Variants in MED27 observed in about 807,000 individuals in gnomAD.
The protein encoded by MED27 is mediator complex subunit 27.
A neutral mutation model predicts 38.2 loss-of-function variants in MED27; 30 were observed. The ratio of observed to expected loss-of-function variants is 0.79; its 90% confidence interval spans 0.59 to 1.07. The LOEUF is 1.07. Ranked by LOEUF, MED27 falls within the 50% of genes least tolerant of loss-of-function variation. The probability of loss-of-function intolerance (pLI) is 0.00; values close to 1 mark genes in which losing one functional copy is unlikely to be tolerated. For synonymous variants in MED27, 122 were observed against 153.5 expected (o/e 0.79, Z 1.52); for missense variants, 289 against 397.5 (o/e 0.73, Z 2.32).
chr9:132,054,555 AG>A (rs929682722), intron 2 of MED27, among the ~76,000 whole-genome samples: 8 of 152,132 alleles, frequency 5.3e-5, no homozygotes, highest in African/African-American at 1.9e-4. Context: ...CTGGGACTAC[AG>A]GGGCACGACC....
At position 132,009,679 on chromosome 9, in the gene MED27, C is replaced by T. The variant is rs187992870; in HGVS notation, c.479+4658G>A. Among the ~76,000 whole-genome samples, 7 of 152,282 alleles carry T rather than the reference C, an allele frequency of 4.6e-5. No homozygotes were observed. In the East Asian group the frequency reaches 1.4e-3, roughly 29 times the overall value. On this transcript the variant is annotated intron_variant, in intron 3 of 7. Coordinates refer to ENST00000292035, the MANE Select transcript of MED27 (RefSeq NM_004269.4). ...CTGCAGCCTTACAAGAGGCTCTGAG[C>T]CAGAACCACCCAAACGAGCCACTCC...
chr9:131,908,515 C>G (rs1424782710), intron 4 of MED27, among the ~76,000 whole-genome samples: 1 of 152,184 alleles, frequency 6.6e-6, no homozygotes, highest in Admixed American at 6.5e-5. Flanking sequence ...GGAGACTTTT[C>G]ATTTTGTTCT....
chr9:132,047,552 G>GAAAA (rs996434241), intron 2 of MED27, among the ~76,000 whole-genome samples: 1 of 142,344 alleles, frequency 7.0e-6, no homozygotes, highest in Non-Finnish European at 1.5e-5. Flanking sequence ...TCCAAATCAC[G>GAAAA]AAAAAAAAAA....
chr9:132,002,079 T>C (rs566091488), intron 3 of MED27, among the ~76,000 whole-genome samples: 3 of 152,328 alleles, frequency 2.0e-5, no homozygotes, highest in Non-Finnish European at 4.4e-5. Flanking sequence ...CTACTACTAC[T>C]ATTCAGCTGT....
intron 4 of MED27, among the ~76,000 whole-genome samples, chr9:131,898,459 C>A (rs968568352): frequency 6.6e-6 from 1 of 152,188 alleles, no homozygotes; most frequent in Admixed American, 6.5e-5. Flanking sequence ...AGGTGATCCA[C>A]CCGCCCTCGG....
chr9:132,063,794 G>A (rs1489928127), intron 2 of MED27, among the ~76,000 whole-genome samples: 1 of 152,108 alleles, frequency 6.6e-6, no homozygotes, highest in Admixed American at 6.5e-5. Flanking sequence ...CTGGGGTAAT[G>A]AGCAAAAAAC....
At position 131,883,370 on chromosome 9, in the gene MED27, C is replaced by T. The variant is rs1839082128; in HGVS notation, c.723+688G>A. ...GTGGCGGTGGGGACAGAATCCTCATCAGCCACAGGGCCTGAGTTAGTCCAG... is the reference window on the plus strand; with the variant it reads ...GTGGCGGTGGGGACAGAATCCTCATTAGCCACAGGGCCTGAGTTAGTCCAG... On this transcript the variant is annotated intron_variant, in intron 6 of 7. Transcript: ENST00000292035. This position sits in a 1 kb window ranked among gnomAD's most constrained non-coding sequence, Gnocchi z 4.2. Among the ~76,000 whole-genome samples, 1 of 152,172 alleles carries T rather than the reference C, an allele frequency of 6.6e-6. No individual in the cohort carries two copies. The highest frequency in any genetic ancestry group is 1.5e-5 in the Non-Finnish European group (1 of 68,028).
At chr9:131,899,355 G>A (rs1031350879) in intron 4 of MED27, among the ~76,000 whole-genome samples, 13 of 152,208 alleles carry the variant, frequency 8.5e-5, no homozygotes, top group Non-Finnish European at 1.9e-4. Flanking sequence ...TCTGCTGAGC[G>A]ACCACTGAGC....
chr9:131,981,801 G>A (rs1831743641), intron 3 of MED27, among the ~76,000 whole-genome samples: 1 of 152,192 alleles, frequency 6.6e-6, no homozygotes, highest in South Asian at 2.1e-4. Context: ...CGGCCAAGGA[G>A]GCAACGCACT....
chr9:132,055,461 C>T (rs1384353880), intron 2 of MED27, among the ~76,000 whole-genome samples: 1 of 152,114 alleles, frequency 6.6e-6, no homozygotes, highest in Non-Finnish European at 1.5e-5. Context: ...AGTAATTAAC[C>T]TTGGGACCAT....
At position 131,872,358 on chromosome 9, in the gene MED27, G is replaced by A. The variant is rs34971690; in HGVS notation, c.724-9218C>T. 2.0e-5 allele frequency among the ~76,000 whole-genome samples: 3 copies of A among 152,348 alleles called. No homozygotes were observed. The highest frequency in any genetic ancestry group is 6.5e-5 in the Admixed American group (1 of 15,308). On this transcript the variant is annotated intron_variant, in intron 6 of 7. Transcript: ENST00000292035. The surrounding 1 kb of genome is among the most constrained non-coding windows in gnomAD (Gnocchi z 5.6). ...GCCCCCGAGGCCAAGCTAGAAGAGC[G>A]GGCGCCTCTACTATTCGGAGTATTT...
intron 4 of MED27, among the ~76,000 whole-genome samples, chr9:131,914,778 G>A (rs1042559445): frequency 6.6e-6 from 1 of 152,230 alleles, no homozygotes; most frequent in Admixed American, 6.5e-5. Flanking sequence ...TGGAGGCAGA[G>A]AGGCCAGTTG....
intron 2 of MED27, among the ~76,000 whole-genome samples, chr9:132,059,606 C>T (rs981437270): frequency 2.0e-5 from 3 of 152,120 alleles, no homozygotes; most frequent in Non-Finnish European, 2.9e-5. Context: ...TCTGCTGAGC[C>T]GCGACAGTGG....
At chr9:132,005,141 C>T (rs1317029221) in intron 3 of MED27, among the ~76,000 whole-genome samples, 7 of 152,130 alleles carry the variant, frequency 4.6e-5, no homozygotes, top group African/African-American at 4.8e-5. Context: ...TACATAAAAA[C>T]GGACATTTCA....
chr9:131,929,223 G>C (rs928695607), intron 4 of MED27, among the ~76,000 whole-genome samples: 9 of 152,254 alleles, frequency 5.9e-5, no homozygotes, highest in African/African-American at 1.9e-4. Context: ...GTGACACCCA[G>C]GTGGTATGCC....
chr9:131,902,535 G>A (rs73551491), intron 4 of MED27, among the ~76,000 whole-genome samples: 199 of 152,238 alleles, frequency 1.3e-3, no homozygotes, highest in African/African-American at 4.4e-3. Context: ...AAAAGAAAAC[G>A]GAGCGATGTG....
In MED27 at chr9:132,071,529, C is replaced by T. The variant is rs116216879; in HGVS notation, c.348+5913G>A. Among the ~76,000 whole-genome samples the T allele has an allele frequency of 5.2e-3, 789 of 151,308 alleles. 5 individuals carry two copies. The highest frequency in any genetic ancestry group is 0.018 in the African/African-American group (751 of 41,168). The stretch of plus-strand genomic sequence containing the variant: ...CTCACTCCATGAGCACACACACATG[C>T]GAGTAACACACACCCCATGAACGAG... On this transcript the variant is annotated intron_variant, in intron 2 of 7. Transcript: ENST00000292035.
At chr9:132,072,548 C>A (rs186419454) in intron 2 of MED27, among the ~76,000 whole-genome samples, 40 of 152,126 alleles carry the variant, frequency 2.6e-4, no homozygotes, top group African/African-American at 8.4e-4. Context: ...ATGGCTCCCA[C>A]GGTATCCAGG....
Position 132,008,077 on chromosome 9 carries a change from C to G in MED27, c.479+6260G>C, listed in dbSNP as rs1236051347. On this transcript the variant is annotated intron_variant, in intron 3 of 7. Coordinates refer to ENST00000292035, the MANE Select transcript of MED27 (RefSeq NM_004269.4). ...CAGTCACCTCTGCTGTTACTGAAAGCTGGCATTTCATCAGGCCAAGTTGTT... is the reference window on the plus strand; with the variant it reads ...CAGTCACCTCTGCTGTTACTGAAAGGTGGCATTTCATCAGGCCAAGTTGTT... Among the ~76,000 whole-genome samples the G allele has an allele frequency of 5.3e-5, 8 of 152,188 alleles. 1 individual carries two copies. The highest frequency in any genetic ancestry group is 3.9e-4 in the Admixed American group (6 of 15,280).
Sources: gnomAD v4.1 joint callset for allele counts (sites outside exome capture counted in the v4.1 genomes callset) on GRCh38, gnomAD v4.1.1 for gene constraint, Gnocchi (gnomAD v3.1) non-coding constraint, MANE v1.5 for transcripts, NCBI Gene and HGNC (gene_info 2026-07-23, HGNC 2026-07-21) for gene names.